NR5A2: variants seen among roughly 807,000 people sequenced by gnomAD.
NR5A2 encodes CYP7A promoter-binding factor.
NR5A2 carries 26 observed loss-of-function variants against 62.7 expected under a neutral mutation model. That is an observed-to-expected ratio of 0.41 (90% CI 0.30 to 0.58). The LOEUF is 0.58. Among genes scored for constraint, NR5A2 ranks in the 20% least tolerant of loss-of-function variants. The probability of loss-of-function intolerance (pLI) is 0.22; values close to 1 mark genes in which losing one functional copy is unlikely to be tolerated. For synonymous variants in NR5A2, 246 were observed against 241.7 expected (o/e 1.02, Z -0.16); for missense variants, 541 against 669.1 (o/e 0.81, Z 2.11).
intron 1 of NR5A2, among the ~76,000 whole-genome samples, chr1:200,031,370 G>T (rs1661540722): frequency 6.6e-6 from 1 of 151,974 alleles, no homozygotes; most frequent in African/African-American, 2.4e-5. Flanking sequence ...AATTAGCTGG[G>T]TGTGGGTGTG....
chr1:200,032,463 G>A (rs1661582933), intron 1 of NR5A2, among the ~76,000 whole-genome samples: 1 of 152,196 alleles, frequency 6.6e-6, no homozygotes, highest in South Asian at 2.1e-4. Flanking sequence ...CCTGAATGCA[G>A]ATGACCATGA....
At chr1:200,052,858 T>C (rs1285756725) in intron 5 of NR5A2, among the ~76,000 whole-genome samples, 1 of 152,170 alleles carries the variant, frequency 6.6e-6, no homozygotes, top group Non-Finnish European at 1.5e-5. Context: ...GCCAGGATGG[T>C]CTTGATCTCC....
chr1:200,142,647 G>C (rs1400807538), intron 7 of NR5A2, among the ~76,000 whole-genome samples: 1 of 152,030 alleles, frequency 6.6e-6, no homozygotes, highest in Non-Finnish European at 1.5e-5. Flanking sequence ...TCCCACTTCT[G>C]CCTCCCACAT....
intron 1 of NR5A2, chr1:200,038,609 G>A (rs1484347477): frequency 7.6e-6 from 6 of 792,474 alleles, no homozygotes; most frequent in Non-Finnish European, 1.2e-5. Flanking sequence ...TGGTTTAAGT[G>A]GGTGTTTAAC....
chr1:200,128,323 A>G (rs1666818154), intron 7 of NR5A2, among the ~76,000 whole-genome samples: 1 of 152,112 alleles, frequency 6.6e-6, no homozygotes, highest in South Asian at 2.1e-4. Flanking sequence ...GGTCAACTGG[A>G]TATTGTCAGT....
In NR5A2 at chr1:200,048,439, C is replaced by T. The variant is rs749157454; in HGVS notation, c.731C>T (p.Pro244Leu). The change falls in exon 5 of 8, where the codon CCC (proline) becomes CTC (leucine). Residue 244 changes from proline (P) to leucine (L), a missense_variant. Physicochemically the swap from Pro to Leu is moderately conservative, Grantham distance 98. This residue lies in a region of NR5A2 where 379 missense variants were observed against 442.0 expected (regional missense o/e 0.86). Transcript: ENST00000367362. This position sits in a 1 kb window ranked among gnomAD's most constrained non-coding sequence, Gnocchi z 4.8. ...GACAGAAGTCCCTTTGTAACATCCC[C>T]CATTAGCATGACAATGCCCCCTCAC... Reference protein sequence around the residue: ...DYDRSPFVTSPISMTMPPHGS... With the variant: ...DYDRSPFVTSLISMTMPPHGS... 1 of 1,614,196 alleles carries T rather than the reference C, an allele frequency of 6.2e-7. No individual in the cohort carries two copies. The highest frequency in any genetic ancestry group is 2.2e-5 in the East Asian group (1 of 44,880).
chr1:200,155,324 T>C (rs1653325799), intron 7 of NR5A2, among the ~76,000 whole-genome samples: 1 of 152,220 alleles, frequency 6.6e-6, no homozygotes, highest in Non-Finnish European at 1.5e-5. Context: ...ATTCATTAAG[T>C]TTAAAATGAA....
At chr1:200,169,007 T>C (rs1238754951) in intron 7 of NR5A2, among the ~76,000 whole-genome samples, 1 of 152,100 alleles carries the variant, frequency 6.6e-6, no homozygotes, top group Non-Finnish European at 1.5e-5. Context: ...TGCAAAACGG[T>C]ACCTCTTTTT....
chr1:200,103,770 A>T (rs1665509722), intron 5 of NR5A2, among the ~76,000 whole-genome samples: 2 of 152,228 alleles, frequency 1.3e-5, no homozygotes, highest in South Asian at 4.1e-4. Flanking sequence ...TTCCCAGCAT[A>T]TACTGATTAG....
chr1:200,066,586 A>ATTTTTT (rs1663480896), intron 5 of NR5A2, among the ~76,000 whole-genome samples: 3 of 87,768 alleles, frequency 3.4e-5, no homozygotes, highest in Non-Finnish European at 6.4e-5. Flanking sequence ...TTAATTAATT[A>ATTTTTT]TCTTTTTTTT....
At chr1:200,091,543 G>A (rs901744587) in intron 5 of NR5A2, among the ~76,000 whole-genome samples, 1 of 147,130 alleles carries the variant, frequency 6.8e-6, no homozygotes, top group Non-Finnish European at 1.5e-5. Flanking sequence ...GGAGTGCAGT[G>A]GCGTGATCTC....
At chr1:200,151,427 G>A (rs1653109497) in intron 7 of NR5A2, among the ~76,000 whole-genome samples, 1 of 152,110 alleles carries the variant, frequency 6.6e-6, no homozygotes, top group Non-Finnish European at 1.5e-5. Context: ...ATAGTTACAA[G>A]CAGCTACAGA....
chr1:200,030,563 G>T (rs1342353553), intron 1 of NR5A2, among the ~76,000 whole-genome samples: 1 of 152,130 alleles, frequency 6.6e-6, no homozygotes, highest in African/African-American at 2.4e-5. Flanking sequence ...TCTCCCAAGT[G>T]GGATGATTCT....
At chr1:200,128,708 G>A (rs934117177) in intron 7 of NR5A2, among the ~76,000 whole-genome samples, 17 of 152,232 alleles carry the variant, frequency 1.1e-4, no homozygotes, top group African/African-American at 4.1e-4. Context: ...TGGAGTGGGG[G>A]TGGTGGGCAG....
chr1:200,165,684 C>A (rs942622032), intron 7 of NR5A2, among the ~76,000 whole-genome samples: 1 of 152,154 alleles, frequency 6.6e-6, no homozygotes, highest in African/African-American at 2.4e-5. Flanking sequence ...GCCAACAGCT[C>A]GTTTCATTTT....
At chr1:200,092,420 T>C (rs982502260) in intron 5 of NR5A2, among the ~76,000 whole-genome samples, 1 of 152,178 alleles carries the variant, frequency 6.6e-6, no homozygotes, top group African/African-American at 2.4e-5. Context: ...GGAGTCTAAT[T>C]TGTACCACTA....
intron 3 of NR5A2, 33 bp from the exon 4 acceptor site, chr1:200,045,410 A>C (rs932404110): frequency 6.5e-7 from 1 of 1,545,540 alleles, no homozygotes; most frequent in Non-Finnish European, 8.7e-7. Flanking sequence ...TGTTAGATTT[A>C]TAATACGTCT....
intron 7 of NR5A2, among the ~76,000 whole-genome samples, chr1:200,146,660 C>G (rs927817428): frequency 6.6e-6 from 1 of 152,158 alleles, no homozygotes; most frequent in South Asian, 2.1e-4. Context: ...AGGTTAGGCC[C>G]TTTCTCTAGC....
chr1:200,057,483 T>C (rs888219954), intron 5 of NR5A2: 9 of 228,904 alleles, frequency 3.9e-5, no homozygotes, highest in Non-Finnish European at 6.2e-5. Context: ...AATCAATTTT[T>C]TTTCTTTTTT....
Sources: allele counts gnomAD v4.1 joint callset (sites outside exome capture counted in the v4.1 genomes callset), GRCh38; gene constraint gnomAD v4.1.1; regional missense constraint gnomAD v4.1.1; non-coding constraint Gnocchi (gnomAD v3.1); transcripts MANE v1.5; gene names NCBI Gene and HGNC (gene_info 2026-07-23, HGNC 2026-07-21).